The following RAE1 variants were observed in gnomAD, a reference collection of about 807,000 sequenced individuals.
RAE1 encodes mRNA export factor RAE1.
In RAE1, 13 loss-of-function variants were observed where a neutral mutation model predicts 52.7. The observed-to-expected ratio is 0.25, with a 90% confidence interval of 0.16 to 0.39. RAE1 has a LOEUF of 0.39. Among genes scored for constraint, RAE1 ranks in the 10% least tolerant of loss-of-function variants. RAE1 has a pLI of 1.00. For synonymous variants in RAE1, 164 were observed against 153.1 expected (o/e 1.07, Z -0.52); for missense variants, 262 against 459.8 (o/e 0.57, Z 3.93).
At chr20:57,367,615 C>G (rs561859848) in intron 7 of RAE1, among the ~76,000 whole-genome samples, 1 of 151,886 alleles carries the variant, frequency 6.6e-6, no homozygotes, top group African/African-American at 2.4e-5. Context: ...TGGCGCACGT[C>G]TGTAATCCTA....
chr20:57,373,902 G>A (rs932028165), intron 10 of RAE1, among the ~76,000 whole-genome samples, 164 bp downstream of exon 10: 2 of 152,162 alleles, frequency 1.3e-5, no homozygotes, highest in Non-Finnish European at 2.9e-5. Context: ...GTGGATTTTT[G>A]TTGTTGTTTT....
chr20:57,356,351 G>T, intron 3 of RAE1, 95 bp from the exon 4 acceptor site: 1 of 845,588 alleles, frequency 1.2e-6, no homozygotes. Flanking sequence ...AGAAGTCTAT[G>T]TATGGTTAAG....
chr20:57,372,068 G>A (rs1482903904), intron 8 of RAE1: 2 of 152,072 alleles, frequency 1.3e-5, no homozygotes, highest in Non-Finnish European at 2.9e-5. Context: ...CATTAAACAA[G>A]ATGAGAATGT....
At chr20:57,373,862 A>T in intron 10 of RAE1, 124 bp downstream of exon 10, 1 of 1,025,792 alleles carries the variant, frequency 9.7e-7, no homozygotes, top group Non-Finnish European at 1.5e-6. Flanking sequence ...TCCGGAGATA[A>T]GTGGCTTATG....
chr20:57,352,708 G>A (rs554428516), intron 1 of RAE1, among the ~76,000 whole-genome samples: 1 of 151,596 alleles, frequency 6.6e-6, no homozygotes, highest in Admixed American at 6.6e-5. Flanking sequence ...TTTAGGCAGT[G>A]TGTGTGTGTG....
intron 8 of RAE1, 133 bp from the exon 9 acceptor site, chr20:57,373,342 G>C: frequency 1.3e-6 from 1 of 774,056 alleles, no homozygotes; most frequent in East Asian, 2.6e-5. Flanking sequence ...AATGCTTACT[G>C]CTGTATCATA....
intron 4 of RAE1, among the ~76,000 whole-genome samples, chr20:57,361,628 C>T (rs766049810): frequency 2.0e-5 from 3 of 152,072 alleles, no homozygotes; most frequent in Admixed American, 6.6e-5. Context: ...TATGTCAGTC[C>T]GGAATATTCA....
In RAE1 at chr20:57,378,226, T is replaced by C. The variant is rs968020064; in HGVS notation, c.*127T>C. The C allele has an allele frequency of 1.4e-5, 11 of 772,662 alleles. No homozygotes were observed. The highest frequency in any genetic ancestry group is 1.8e-5 in the Non-Finnish European group (9 of 496,220). 47.9% of individuals were successfully genotyped at this position (772,662 alleles called of 1,614,324 possible). On this transcript the variant is annotated 3_prime_UTR_variant, in exon 12 of 12. Transcript: ENST00000395841. ...GGATTTCAACCCCTGGAGAAAACGA[T>C]GTCATTGTTCAGCAGCTGAGAGCCC...
At chr20:57,366,924 C>G in intron 6 of RAE1, 31 bp downstream of exon 6, 1 of 1,589,498 alleles carries the variant, frequency 6.3e-7, no homozygotes, top group Non-Finnish European at 8.6e-7. Flanking sequence ...ATTGTTTGGC[C>G]CCATCAGGAT....
chr20:57,360,009 G>A (rs1397592820), intron 4 of RAE1: 2 of 152,224 alleles, frequency 1.3e-5, no homozygotes, highest in Admixed American at 1.3e-4. Context: ...GTCAGGTCAT[G>A]ATGAAATCTT....
intron 4 of RAE1, among the ~76,000 whole-genome samples, chr20:57,357,238 A>G (rs1438003949): frequency 6.6e-6 from 1 of 152,180 alleles, no homozygotes; most frequent in Non-Finnish European, 1.5e-5. Context: ...TCGGCCTCCA[A>G]ATTCTCTTCC....
chr20:57,377,155 C>T (rs2067127754), intron 11 of RAE1, among the ~76,000 whole-genome samples: 1 of 152,168 alleles, frequency 6.6e-6, no homozygotes, highest in South Asian at 2.1e-4. Context: ...TTGAGCAAAA[C>T]TTCTAGAGCT....
chr20:57,365,587 C>T (rs1019736117), intron 5 of RAE1, 145 bp downstream of exon 5: 3 of 532,862 alleles, frequency 5.6e-6, no homozygotes, highest in Admixed American at 3.8e-5. Flanking sequence ...ACAGAAACCT[C>T]TTTAGCACAA....
chr20:57,370,347 C>T (rs1368036212), intron 8 of RAE1, among the ~76,000 whole-genome samples: 2 of 152,220 alleles, frequency 1.3e-5, no homozygotes, highest in South Asian at 2.1e-4. Flanking sequence ...AACATTTCCC[C>T]TGGCTGCTGT....
Position 57,373,579 on chromosome 20 carries a change from C to T in RAE1, c.747C>T (p.Asn249=). ...CTATTCACTATATCAACCCCCCGAACCCGTAAGTGTGACTCTGTCAGCTTG... is the reference window on the plus strand; with the variant it reads ...CTATTCACTATATCAACCCCCCGAATCCGTAAGTGTGACTCTGTCAGCTTG... ...RVAIHYINPP[N]PAKDNFTFKC... The change falls in exon 9 of 12, where the codon AAC becomes AAT. Residue 249 remains asparagine, a splice_region_variant and synonymous_variant. Transcript: ENST00000395841. 6.2e-7 allele frequency: 1 copy of T among 1,613,766 alleles called. No individual in the cohort carries two copies. The highest frequency in any genetic ancestry group is 1.3e-5 in the African/African-American group (1 of 75,030).
In RAE1 at chr20:57,354,103, C is replaced by T. The variant is rs1014056045; in HGVS notation, c.65C>T (p.Thr22Ile). Residue 22 changes from threonine to isoleucine, a missense_variant, in exon 2 of 12, where the codon ACT becomes ATT. Thr to Ile is a moderately conservative substitution (Grantham distance 89, BLOSUM62 -1). Transcript: ENST00000395841. The stretch of plus-strand genomic sequence containing the variant: ...GGGACCAGCATGTTTGGCAGTGCAA[C>T]TACAGACAATCACAATCCCATGAAG... Reference protein sequence around the residue: ...TSGTSMFGSATTDNHNPMKDI... With the variant: ...TSGTSMFGSAITDNHNPMKDI... 3 of 1,613,924 alleles carry T rather than the reference C, an allele frequency of 1.9e-6. No homozygotes were observed. The African/African-American group carries it at 4.0e-5, about 22-fold the overall frequency.
chr20:57,366,983 A>G, intron 6 of RAE1, 25 bp from the exon 7 acceptor site: 1 of 1,596,850 alleles, frequency 6.3e-7, no homozygotes, highest in Non-Finnish European at 8.6e-7. Flanking sequence ...ATGGTCACAT[A>G]CTGGCTTCTC....
rs1051694519 is a variant in RAE1 at position 57,378,836 on chromosome 20, C to G, written c.*737C>G. 2 of 152,244 alleles carry G rather than the reference C, an allele frequency of 1.3e-5. No homozygotes were observed. The highest frequency in any genetic ancestry group is 2.9e-5 in the Non-Finnish European group (2 of 68,060). The allele number at this position is 152,244 out of a possible 1,614,324, so 9.4% of individuals were successfully genotyped here. A position where few individuals can be genotyped will look rare whatever the true frequency, so the allele number is the denominator to read the frequency against. Reference sequence around the variant, plus strand: ...AAGTGGGTGACACTTGCGTGACTTTCAAGTTAGAACCCAAGCCCCCTGCAT... The same window carrying G: ...AAGTGGGTGACACTTGCGTGACTTTGAAGTTAGAACCCAAGCCCCCTGCAT... On this transcript the variant is annotated 3_prime_UTR_variant, in exon 12 of 12. Transcript: ENST00000395841.
chr20:57,366,728 C>G, intron 5 of RAE1, 79 bp from the exon 6 acceptor site: 1 of 1,357,884 alleles, frequency 7.4e-7, no homozygotes, highest in South Asian at 1.2e-5. Flanking sequence ...AGTTTCTTCC[C>G]TTTGAATTGC....
Sources: allele counts gnomAD v4.1 joint callset (sites outside exome capture counted in the v4.1 genomes callset), GRCh38; gene constraint gnomAD v4.1.1; transcripts MANE v1.5; gene names NCBI Gene and HGNC (gene_info 2026-07-23, HGNC 2026-07-21).